Variants in ATRNL1 observed in about 807,000 individuals in gnomAD.
ATRNL1 encodes attractin-like protein 1.
ATRNL1 carries 95 observed loss-of-function variants against 182.7 expected under a neutral mutation model. The observed-to-expected ratio is 0.52, with a 90% CI of 0.44 to 0.62. The LOEUF (loss-of-function observed/expected upper bound fraction) is 0.62. ATRNL1 is among the 20% of genes least tolerant of loss of function. The pLI is 0.00. For synonymous variants in ATRNL1, 576 were observed against 568.3 expected, an observed-to-expected ratio of 1.01 and a Z score of -0.19; for missense variants, 1,471 against 1,679.5, an observed-to-expected ratio of 0.88 and a Z score of 2.17.
At chr10:115,845,293 A>C (rs1335831944) in intron 27 of ATRNL1, among the ~76,000 whole-genome samples, 1 of 152,018 alleles carries the variant, frequency 6.6e-6, no homozygotes, top group Non-Finnish European at 1.5e-5. Flanking sequence ...AATGTTTTCT[A>C]TACAATAGCA....
intron 24 of ATRNL1, among the ~76,000 whole-genome samples, chr10:115,484,436 T>A (rs1339747020): frequency 2.0e-5 from 3 of 151,634 alleles, no homozygotes; most frequent in Non-Finnish European, 4.4e-5. Flanking sequence ...AATATTTAAT[T>A]TATCTTAAAT....
intron 19 of ATRNL1, among the ~76,000 whole-genome samples, chr10:115,337,449 A>AT (rs1333996270): frequency 6.6e-6 from 1 of 151,810 alleles, no homozygotes; most frequent in South Asian, 2.1e-4. Flanking sequence ...CATTCTTCCT[A>AT]TTTTTTTGCA....
chr10:115,848,072 G>A lies in ATRNL1; in HGVS notation c.4018+81G>A, dbSNP rs41317032. 1.7e-3 allele frequency: 1,343 copies of A among 790,354 alleles called. 2 individuals are homozygous for A. Among genetic ancestry groups the A allele is most frequent in the Non-Finnish European group, 2.2e-3 (1,017 of 458,256 alleles). The allele number at this position is 790,354 out of a possible 1,614,324, so 49.0% of individuals were successfully genotyped here. ...GAAATAAACAATACCACTAAATAGC[G>A]CAGTAAGGACCTTTGCAAGGTTCTA... is the stretch of plus-strand genomic sequence containing the variant. On this transcript the variant is annotated intron_variant, in intron 28 of 28. Coordinates refer to ENST00000355044, the MANE Select transcript of ATRNL1 (RefSeq NM_207303.4).
chr10:115,100,464 A>C (rs1488073858), intron 1 of ATRNL1, among the ~76,000 whole-genome samples: 1 of 152,118 alleles, frequency 6.6e-6, no homozygotes, highest in Non-Finnish European at 1.5e-5. Flanking sequence ...ATCTAAATTC[A>C]GTTTTTTGGC....
chr10:115,238,767 A>C (rs1554902124), intron 9 of ATRNL1, among the ~76,000 whole-genome samples: 2 of 152,200 alleles, frequency 1.3e-5, no homozygotes, highest in African/African-American at 4.8e-5. Context: ...CAGTAGCAAG[A>C]ACTTCCACTA....
chr10:115,521,872 GCTA>G (rs1317724882), intron 25 of ATRNL1, among the ~76,000 whole-genome samples: 1 of 152,160 alleles, frequency 6.6e-6, no homozygotes, highest in Non-Finnish European at 1.5e-5. Context: ...GTTTTATAAA[GCTA>G]CTGCTAAACT....
intron 19 of ATRNL1, among the ~76,000 whole-genome samples, chr10:115,387,753 G>T (rs913710906): frequency 6.6e-6 from 1 of 152,012 alleles, no homozygotes; most frequent in Non-Finnish European, 1.5e-5. Context: ...TATGTAGCAT[G>T]TATTAGTACT....
In ATRNL1 at chr10:115,305,968, A is replaced by T. The variant is rs187021977; in HGVS notation, c.2818+3925A>T. Reference sequence around the variant, plus strand: ...TTCTTTATGTAATTGTATGTGTGTTATATTTCACAATAAAAGAGGCTAGAA... The same window carrying T: ...TTCTTTATGTAATTGTATGTGTGTTTTATTTCACAATAAAAGAGGCTAGAA... On this transcript the variant is annotated intron_variant, in intron 17 of 28. Transcript: ENST00000355044. 2.7e-3 allele frequency among the ~76,000 whole-genome samples: 409 copies of T among 152,274 alleles called. 3 individuals are homozygous for T. The highest frequency in any genetic ancestry group is 9.4e-3 in the African/African-American group (390 of 41,554).
intron 19 of ATRNL1, among the ~76,000 whole-genome samples, chr10:115,392,161 A>G (rs747847347): frequency 5.3e-5 from 8 of 152,098 alleles, no homozygotes; most frequent in East Asian, 1.9e-4. Flanking sequence ...CAAGCAGAAA[A>G]TGTACATGCT....
chr10:115,829,169 G>GA (rs1297135945), intron 27 of ATRNL1, among the ~76,000 whole-genome samples: 85 of 150,080 alleles, frequency 5.7e-4, no homozygotes, highest in African/African-American at 1.6e-3. Context: ...GCATTTGAGG[G>GA]AAAAAAAAAT....
chr10:115,520,877 C>T (rs933562592), intron 25 of ATRNL1, among the ~76,000 whole-genome samples: 2 of 152,122 alleles, frequency 1.3e-5, no homozygotes, highest in African/African-American at 2.4e-5. Context: ...CATGTTCATC[C>T]ATGCACCTTA....
At chr10:115,242,228 G>C (rs1850452902) in intron 10 of ATRNL1, among the ~76,000 whole-genome samples, 1 of 151,894 alleles carries the variant, frequency 6.6e-6, no homozygotes, top group African/African-American at 2.4e-5. Context: ...ATAAGATTTT[G>C]AGACGAAATG....
At chr10:115,114,615 A>G (rs906447848) in intron 1 of ATRNL1, among the ~76,000 whole-genome samples, 1 of 152,202 alleles carries the variant, frequency 6.6e-6, no homozygotes, top group Non-Finnish European at 1.5e-5. Flanking sequence ...AAAACATACA[A>G]AAGGTCAAAA....
intron 19 of ATRNL1, among the ~76,000 whole-genome samples, chr10:115,353,195 C>T (rs1292524111): frequency 6.6e-6 from 1 of 152,108 alleles, no homozygotes; most frequent in African/African-American, 2.4e-5. Context: ...ATATTGGAGT[C>T]TGTCTTTCTC....
chr10:115,701,000 A>AT (rs1232323968), intron 26 of ATRNL1, among the ~76,000 whole-genome samples: 1 of 152,082 alleles, frequency 6.6e-6, no homozygotes, highest in Admixed American at 6.6e-5. Flanking sequence ...ACCACAGAAT[A>AT]TACATTCTTC....
At chr10:115,112,082 C>T (rs141428229) in intron 1 of ATRNL1, among the ~76,000 whole-genome samples, 2,252 of 151,008 alleles carry the variant, frequency 0.015, 56 homozygotes, top group Admixed American at 0.056. Context: ...AAAAAACTTA[C>T]GATAAGTTTA....
chr10:115,500,172 G>A (rs765793738), intron 24 of ATRNL1, among the ~76,000 whole-genome samples: 93 of 152,054 alleles, frequency 6.1e-4, no homozygotes, highest in Non-Finnish European at 9.0e-4. Context: ...GTATGAATGT[G>A]GCTTATGTAT....
intron 21 of ATRNL1, among the ~76,000 whole-genome samples, chr10:115,449,303 C>T (rs925013480): frequency 2.6e-5 from 4 of 152,128 alleles, no homozygotes; most frequent in African/African-American, 4.8e-5. Flanking sequence ...GATGGCTTGA[C>T]GGGGAATATC....
intron 26 of ATRNL1, 57 bp from the exon 27 acceptor site, chr10:115,727,191 T>C: frequency 8.0e-7 from 1 of 1,257,404 alleles, no homozygotes. Context: ...CAGATATTGT[T>C]GAATTTCATG....
Sources: gnomAD v4.1 joint callset for allele counts (sites outside exome capture counted in the v4.1 genomes callset) on GRCh38, gnomAD v4.1.1 for gene constraint, MANE v1.5 for transcripts, NCBI Gene and HGNC (gene_info 2026-07-23, HGNC 2026-07-21) for gene names.